Variants in IAPP observed in about 807,000 individuals in gnomAD.
The protein encoded by IAPP is islet amyloid polypeptide, also known as Islet amyloid polypeptide (diabetes-associated peptide; amylin).
Under a neutral mutation model 2.9 loss-of-function variants are expected in IAPP, and 4 were observed. The observed-to-expected ratio is 1.39, with a 90% CI of 0.69 to 3.19. The LOEUF is 3.19. IAPP is among the 30% of genes most tolerant of loss of function. The pLI, the probability that IAPP is intolerant of heterozygous loss-of-function variation, is 0.01. For missense variants in IAPP, 114 were observed against 105.3 expected (o/e 1.08, Z -0.36); for synonymous variants, 40 against 42.1 (o/e 0.95, Z 0.19).
intron 1 of IAPP, among the ~76,000 whole-genome samples, chr12:21,359,400 T>TG (rs896521648): frequency 6.6e-5 from 10 of 151,172 alleles, no homozygotes; most frequent in South Asian, 2.1e-4. Context: ...AAAACATTAG[T>TG]GAAAAAAAAA....
At chr12:21,359,655 G>A (rs1938660916) in intron 1 of IAPP, among the ~76,000 whole-genome samples, 1 of 151,894 alleles carries the variant, frequency 6.6e-6, no homozygotes, top group Non-Finnish European at 1.5e-5. Context: ...GCTGAGGCAG[G>A]AGAATGGCAT....
In IAPP at chr12:21,364,937, G is replaced by A. The variant is rs994959521; in HGVS notation, c.-15-8400G>A. ...GAAGAACATTTCATGCTCGTGGATA[G>A]GAAGAATCAATGTTGTGAAAATGGC... On this transcript the variant is annotated intron_variant, in intron 1 of 2. Coordinates refer to the IAPP transcript ENST00000539393. Among the ~76,000 whole-genome samples the A allele has an allele frequency of 1.3e-5, 2 of 152,184 alleles. 1 individual carries two copies. Among genetic ancestry groups the A allele is most frequent in the Non-Finnish European group, 2.9e-5 (2 of 68,028 alleles).
chr12:21,359,265 G>C (rs529783929), intron 1 of IAPP, among the ~76,000 whole-genome samples: 1 of 152,210 alleles, frequency 6.6e-6, no homozygotes, highest in African/African-American at 2.4e-5. Context: ...AATTAAACTT[G>C]ATAGACTCTA....
upstream of IAPP, among the ~76,000 whole-genome samples, chr12:21,370,242 G>C (rs1159400549): frequency 6.6e-6 from 1 of 151,912 alleles, no homozygotes; most frequent in African/African-American, 2.4e-5. Context: ...CCACCGAAGA[G>C]GTGCAAAGAT....
At chr12:21,377,477 T>C (rs900188915) in intron 2 of IAPP, among the ~76,000 whole-genome samples, 2 of 152,244 alleles carry the variant, frequency 1.3e-5, no homozygotes, top group African/African-American at 4.8e-5. Flanking sequence ...TTCTGGATTA[T>C]GTGCAAAATG....
chr12:21,373,466 T>G, intron 2 of IAPP, 35 bp downstream of exon 2: 1 of 1,432,500 alleles, frequency 7.0e-7, no homozygotes, highest in Non-Finnish European at 9.9e-7. Flanking sequence ...CTTTGTAACT[T>G]TTGTAAAGTG....
chr12:21,362,012 A>G (rs1401119799), intron 1 of IAPP, among the ~76,000 whole-genome samples: 1 of 152,154 alleles, frequency 6.6e-6, no homozygotes, highest in Admixed American at 6.5e-5. Flanking sequence ...CTAGCGGGGA[A>G]GGCCAACATT....
rs770919028 is a variant in IAPP, at chr12:21,373,436, G to A, written c.80+5G>A. ...GAAAGCTACACCCATTGAAAGGTTG[G>A]TAACTTTAAAATCCTGTTTCTTTGT... On this transcript the variant is annotated splice_donor_5th_base_variant and intron_variant, in intron 2 of 2. Coordinates refer to ENST00000240652, the MANE Select transcript of IAPP (RefSeq NM_000415.3). 6.2e-6 allele frequency: 10 copies of A among 1,602,984 alleles called. No homozygotes were observed. In the Admixed American group the frequency reaches 1.7e-4, roughly 27 times the overall value.
At chr12:21,374,702 G>T (rs184271853) in intron 2 of IAPP, among the ~76,000 whole-genome samples, 4 of 152,078 alleles carry the variant, frequency 2.6e-5, no homozygotes, top group Non-Finnish European at 5.9e-5. Context: ...ATGATGACAG[G>T]AAAATCAGTA....
chr12:21,370,635 G>A (rs1354531177), upstream of IAPP, among the ~76,000 whole-genome samples: 1 of 151,878 alleles, frequency 6.6e-6, no homozygotes, highest in Non-Finnish European at 1.5e-5. Context: ...CATTTTGAAT[G>A]TTATGTTTGG....
rs550177573 is a variant in IAPP at position 21,361,886 on chromosome 12, G to A, written c.-16+6873G>A. Among the ~76,000 whole-genome samples the A allele has an allele frequency of 5.9e-5, 9 of 152,226 alleles. No individual in the cohort carries two copies. The South Asian group carries it at 8.3e-4, about 14-fold the overall frequency. On this transcript the variant is annotated intron_variant, in intron 1 of 2. Transcript: ENST00000539393. Reference sequence around the variant, plus strand: ...AATGAACAAAGCCTCCAAGAAATATGGGACTATGTGAAAAGACCAAATCTA... The same window carrying A: ...AATGAACAAAGCCTCCAAGAAATATAGGACTATGTGAAAAGACCAAATCTA...
chr12:21,359,964 A>T (rs536661748), intron 1 of IAPP, among the ~76,000 whole-genome samples: 4 of 152,316 alleles, frequency 2.6e-5, no homozygotes, highest in African/African-American at 9.6e-5. Flanking sequence ...ACAATTTAAA[A>T]TATGCACATG....
At chr12:21,371,401 A>T, upstream of IAPP, among the ~76,000 whole-genome samples, 1 of 151,726 alleles carries the variant, frequency 6.6e-6, no homozygotes, top group Middle Eastern at 3.4e-3. Context: ...ATTTCTTTTG[A>T]TTTTTTTTCT....
At chr12:21,363,060 A>G (rs1939059176) in intron 1 of IAPP, among the ~76,000 whole-genome samples, 1 of 152,260 alleles carries the variant, frequency 6.6e-6, no homozygotes, top group Non-Finnish European at 1.5e-5. Flanking sequence ...AGACATCTAC[A>G]GAACTCTCCA....
At chr12:21,362,579 G>T (rs1591882225) in intron 1 of IAPP, among the ~76,000 whole-genome samples, 1 of 152,220 alleles carries the variant, frequency 6.6e-6, no homozygotes, top group East Asian at 1.9e-4. Context: ...TGGGCTAAAT[G>T]CTCCAATTAG....
intron 2 of IAPP, 130 bp downstream of exon 2, chr12:21,373,561 A>G: frequency 2.8e-6 from 2 of 724,308 alleles, no homozygotes; most frequent in Non-Finnish European, 2.5e-6. Flanking sequence ...ACCTTCAGCT[A>G]TTCCATTGTT....
At chr12:21,365,747 C>G (rs1483493602) in intron 1 of IAPP, among the ~76,000 whole-genome samples, 1 of 152,110 alleles carries the variant, frequency 6.6e-6, no homozygotes, top group Non-Finnish European at 1.5e-5. Context: ...AGGATATGAA[C>G]AGACACTTCT....
rs987849270 is a variant in IAPP at position 21,373,405 on chromosome 12, C to A, written c.54C>A (p.Asn18Lys). ...VFLIVLSVAL[N>K]HLKATPIESH... is the part of the protein sequence containing the mutation. ...TCATTGTGCTCTCTGTTGCATTGAA[C>A]CATCTGAAAGCTACACCCATTGAAA... Residue 18 changes from asparagine (N) to lysine (K), a missense_variant, in exon 2 of 3, where the codon AAC (asparagine) becomes AAA (lysine). Asn to Lys is a moderately conservative substitution (Grantham distance 94, BLOSUM62 0). Transcript: ENST00000240652. The A allele has an allele frequency of 1.2e-6, 2 of 1,613,116 alleles. No homozygotes were observed. Among genetic ancestry groups the A allele is most frequent in the South Asian group, 1.1e-5 (1 of 91,060 alleles).
chr12:21,378,096 T>A, intron 2 of IAPP, 141 bp from the exon 3 acceptor site: 1 of 681,160 alleles, frequency 1.5e-6, no homozygotes. Context: ...GCCATCTAGG[T>A]GTTTGCAAAC....
Sources: allele counts gnomAD v4.1 joint callset (sites outside exome capture counted in the v4.1 genomes callset), GRCh38; gene constraint gnomAD v4.1.1; transcripts MANE v1.5; gene names NCBI Gene and HGNC (gene_info 2026-07-23, HGNC 2026-07-21).